The following RNF2 variants were observed in gnomAD, a reference collection of about 807,000 sequenced individuals.
RNF2 encodes E3 ubiquitin-protein ligase RING2.
Under a neutral mutation model 37.2 loss-of-function variants are expected in RNF2, and 6 were observed. The ratio of observed to expected loss-of-function variants is 0.16; its 90% CI spans 0.09 to 0.32. The LOEUF (loss-of-function observed/expected upper bound fraction) is 0.32. RNF2 is among the 10% of genes least tolerant of loss of function. The pLI is 1.00. For missense variants in RNF2, 251 were observed against 404.0 expected, an observed-to-expected ratio of 0.62 and a Z score of 3.25; for synonymous variants, 133 against 132.7, an observed-to-expected ratio of 1.00 and a Z score of -0.02.
intron 1 of RNF2, among the ~76,000 whole-genome samples, chr1:185,056,767 G>T (rs1321342637): frequency 2.6e-5 from 4 of 151,946 alleles, no homozygotes; most frequent in Non-Finnish European, 5.9e-5. Flanking sequence ...CTAAGAATGG[G>T]GGTAAATTCA....
At chr1:185,064,653 A>G (rs573757559) in intron 1 of RNF2, among the ~76,000 whole-genome samples, 31 of 152,076 alleles carry the variant, frequency 2.0e-4, no homozygotes, top group African/African-American at 7.5e-4. Context: ...ATGTAACCCC[A>G]TGTAGGTCAA....
intron 4 of RNF2, among the ~76,000 whole-genome samples, chr1:185,095,454 T>G (rs1651885631): frequency 6.6e-6 from 1 of 152,184 alleles, no homozygotes; most frequent in African/African-American, 2.4e-5. Context: ...GGTATCTGCT[T>G]AAGTTCTCAT....
At chr1:185,084,898 A>G (rs1651534994) in intron 1 of RNF2, among the ~76,000 whole-genome samples, 1 of 152,172 alleles carries the variant, frequency 6.6e-6, no homozygotes, top group Admixed American at 6.5e-5. Context: ...CTCTGTGATT[A>G]CCAGTCTGTT....
chr1:185,079,011 C>A (rs1181758395), intron 1 of RNF2, among the ~76,000 whole-genome samples: 1 of 151,360 alleles, frequency 6.6e-6, no homozygotes, highest in Non-Finnish European at 1.5e-5. Flanking sequence ...TTCTGAATAT[C>A]TTATTGATAT....
intron 4 of RNF2, among the ~76,000 whole-genome samples, chr1:185,093,948 A>G (rs867204387): frequency 4.5e-4 from 69 of 152,142 alleles, no homozygotes; most frequent in Middle Eastern, 3.4e-3. Flanking sequence ...ATGACTCCCA[A>G]ATTTATATAT....
At chr1:185,047,448 T>G (rs1650151911) in intron 1 of RNF2, among the ~76,000 whole-genome samples, 1 of 152,234 alleles carries the variant, frequency 6.6e-6, no homozygotes, top group African/African-American at 2.4e-5. Context: ...ATGTTTGGAA[T>G]TTTATTAGTG....
intron 1 of RNF2, among the ~76,000 whole-genome samples, chr1:185,084,238 TTTAA>T (rs1651514308): frequency 1.3e-5 from 2 of 152,276 alleles, no homozygotes; most frequent in Non-Finnish European, 1.5e-5. Flanking sequence ...ATCTGTTGGC[TTTAA>T]TTGTTAGCTC....
chr1:185,065,352 A>C (rs1270387557), intron 1 of RNF2, among the ~76,000 whole-genome samples: 1 of 152,250 alleles, frequency 6.6e-6, no homozygotes, highest in Non-Finnish European at 1.5e-5. Context: ...ATAAGGGAAT[A>C]AAAGCTGGCC....
chr1:185,067,485 A>G (rs1650830734), intron 1 of RNF2, among the ~76,000 whole-genome samples: 1 of 152,024 alleles, frequency 6.6e-6, no homozygotes, highest in Non-Finnish European at 1.5e-5. Flanking sequence ...ATAACATAAA[A>G]GGAAAAGAAA....
At chr1:185,065,806 T>C (rs1650781626) in intron 1 of RNF2, among the ~76,000 whole-genome samples, 1 of 152,238 alleles carries the variant, frequency 6.6e-6, no homozygotes, top group Non-Finnish European at 1.5e-5. Flanking sequence ...GGACACAATG[T>C]CATCTACAAA....
chr1:185,074,566 A>G (rs946083866), intron 1 of RNF2, among the ~76,000 whole-genome samples: 1 of 152,088 alleles, frequency 6.6e-6, no homozygotes, highest in Non-Finnish European at 1.5e-5. Flanking sequence ...AAGGTTTTAG[A>G]TGATCTGTGC....
intron 1 of RNF2, among the ~76,000 whole-genome samples, chr1:185,080,313 G>T (rs1256622134): frequency 3.3e-5 from 5 of 152,136 alleles, no homozygotes; most frequent in Admixed American, 1.3e-4. Flanking sequence ...TTCTTGGCTT[G>T]GGCAAGGGGG....
Position 185,061,128 on chromosome 1 carries a change from C to CT in RNF2, c.-3+15496dup, listed in dbSNP as rs34284435. Among the ~76,000 whole-genome samples, 493 of 122,546 alleles carry CT rather than the reference C, an allele frequency of 4.0e-3. 1 individual carries two copies. The highest frequency in any genetic ancestry group is 0.012 in the South Asian group (49 of 3,962). The allele number at this position is 122,546 out of a possible 152,430, so 80.4% of individuals were successfully genotyped here. A position where few individuals can be genotyped will look rare whatever the true frequency, so the allele number is the denominator to read the frequency against. On this transcript the variant is annotated intron_variant, in intron 1 of 6. Coordinates refer to ENST00000367510, the MANE Select transcript of RNF2 (RefSeq NM_007212.4). ...GGAGTGAGACCCTATTTCTCTCTCT[C>CT]TTTTTTTTTTTTTTTTTGAGACGGA...
chr1:185,055,031 G>T (rs553176509), intron 1 of RNF2, among the ~76,000 whole-genome samples: 1 of 152,266 alleles, frequency 6.6e-6, no homozygotes, highest in South Asian at 2.1e-4. Flanking sequence ...TGTGTTGATT[G>T]TATCTTGAGA....
intron 1 of RNF2, among the ~76,000 whole-genome samples, chr1:185,073,015 A>G (rs910508664): frequency 1.5e-4 from 22 of 151,526 alleles, no homozygotes; most frequent in African/African-American, 5.3e-4. Context: ...TTCTTTTTTA[A>G]TTGCTTAAAT....
At chr1:185,091,488 T>A in intron 2 of RNF2, 91 bp from the exon 3 acceptor site, 3 of 1,319,544 alleles carry the variant, frequency 2.3e-6, no homozygotes, top group Non-Finnish European at 3.2e-6. Context: ...CATATATGTT[T>A]GTTTTTACCA....
chr1:185,093,127 C>T lies in RNF2; in HGVS notation c.315C>T (p.Asn105=), dbSNP rs1226175634. The part of the protein sequence containing the change: ...VSKRSLRPDP[N]FDALISKIYP... Reference sequence around the variant, plus strand: ...AAAGATCACTAAGGCCAGACCCAAACTTTGATGCACTCATCAGCAAAATTT... The same window carrying T: ...AAAGATCACTAAGGCCAGACCCAAATTTTGATGCACTCATCAGCAAAATTT... The change falls in exon 4 of 7, where the codon AAC becomes AAT. Residue 105 remains asparagine, a synonymous_variant. Coordinates refer to ENST00000367510, the MANE Select transcript of RNF2 (RefSeq NM_007212.4). 9.9e-6 allele frequency: 16 copies of T among 1,614,000 alleles called. No individual in the cohort carries two copies. The highest frequency in any genetic ancestry group is 1.4e-5 in the Non-Finnish European group (16 of 1,179,916).
chr1:185,066,637 C>A (rs1650807313), intron 1 of RNF2, among the ~76,000 whole-genome samples: 1 of 152,088 alleles, frequency 6.6e-6, no homozygotes, highest in Non-Finnish European at 1.5e-5. Context: ...TAAATGTTTC[C>A]TAAATGGTTG....
chr1:185,082,834 TA>T (rs1401771863), intron 1 of RNF2, among the ~76,000 whole-genome samples: 1 of 152,120 alleles, frequency 6.6e-6, no homozygotes, highest in Non-Finnish European at 1.5e-5. Flanking sequence ...AAAATAAACA[TA>T]AAATGAACAG....
Sources: allele counts gnomAD v4.1 joint callset (sites outside exome capture counted in the v4.1 genomes callset), GRCh38; gene constraint gnomAD v4.1.1; transcripts MANE v1.5; gene names NCBI Gene and HGNC (gene_info 2026-07-23, HGNC 2026-07-21).